Variants in PRR5 observed in about 807,000 individuals in gnomAD.
PRR5 encodes the protein proline rich 5.
In PRR5, 25 loss-of-function variants were observed where a neutral mutation model predicts 30.6. The observed-to-expected ratio is 0.82, with a 90% CI of 0.60 to 1.14. The LOEUF is 1.14. PRR5 is among the 50% of genes most tolerant of loss of function. PRR5 has a pLI of 0.00. For missense variants in PRR5, 600 were observed against 547.1 expected (o/e 1.10, Z -0.96); for synonymous variants, 286 against 247.1 (o/e 1.16, Z -1.48).
intron 1 of PRR5, chr22:44,679,641 G>T (rs140013130): frequency 1.7e-6 from 1 of 599,794 alleles, no homozygotes; most frequent in Non-Finnish European, 2.9e-6. Context: ...CAGGAGGCGC[G>T]GTTGCAGTGA....
intron 1 of PRR5, among the ~76,000 whole-genome samples, chr22:44,696,900 C>A (rs1925806114): frequency 6.6e-6 from 1 of 152,052 alleles, no homozygotes; most frequent in African/African-American, 2.4e-5. Context: ...CCATATCCGG[C>A]TAATTTTTGT....
intron 1 of PRR5, among the ~76,000 whole-genome samples, chr22:44,709,629 G>A (rs1001011378): frequency 2.0e-5 from 3 of 152,148 alleles, no homozygotes; most frequent in Non-Finnish European, 2.9e-5. Context: ...CAGCGCAGGC[G>A]GATCACCAGG....
At chr22:44,712,863 CAT>C (rs1221771156) in intron 1 of PRR5, among the ~76,000 whole-genome samples, 1 of 152,120 alleles carries the variant, frequency 6.6e-6, no homozygotes, top group Non-Finnish European at 1.5e-5. Context: ...AGCGGGCACT[CAT>C]GACCAGGAAA....
intron 2 of PRR5, among the ~76,000 whole-genome samples, chr22:44,721,485 T>C (rs1929925660): frequency 6.6e-6 from 1 of 152,182 alleles, no homozygotes; most frequent in Non-Finnish European, 1.5e-5. Flanking sequence ...CCTATGCAAA[T>C]GAAGACTTGG....
At chr22:44,669,349 C>G (rs1039814706) in intron 1 of PRR5, among the ~76,000 whole-genome samples, 8 of 152,226 alleles carry the variant, frequency 5.3e-5, no homozygotes, top group Admixed American at 2.6e-4. Context: ...GCTCTGGCCT[C>G]TGGCCTGGGC....
intron 1 of PRR5, chr22:44,679,749 G>T (rs951646462): frequency 6.8e-6 from 10 of 1,468,760 alleles, no homozygotes; most frequent in Non-Finnish European, 7.4e-6. Flanking sequence ...CAGCCTCCCC[G>T]CTCTGGGACA....
At chr22:44,684,438 T>A (rs1924565732) in intron 1 of PRR5, among the ~76,000 whole-genome samples, 1 of 152,102 alleles carries the variant, frequency 6.6e-6, no homozygotes, top group South Asian at 2.1e-4. Context: ...TTCCAGCTAC[T>A]CAGGAGGCTG....
At chr22:44,730,634 C>G in intron 4 of PRR5, 1 of 1,027,488 alleles carries the variant, frequency 9.7e-7, no homozygotes, top group Non-Finnish European at 1.2e-6. Flanking sequence ...AGATGTGTCC[C>G]CATACCACTA....
intron 1 of PRR5, among the ~76,000 whole-genome samples, chr22:44,678,960 A>G (rs148524230): frequency 1.4e-4 from 21 of 152,256 alleles, no homozygotes; most frequent in African/African-American, 4.8e-4. Flanking sequence ...GCCTGGGATG[A>G]TGGATGGTCA....
Position 44,703,805 on chromosome 22 carries a change from C to T in PRR5, c.134+1197C>T, listed in dbSNP as rs1400033401. On this transcript the variant is annotated intron_variant, in intron 1 of 7. Coordinates refer to ENST00000336985, the MANE Select transcript of PRR5 (RefSeq NM_181333.4). ...GGCCAAGATGGGAGGATTACTTGAG[C>T]CAGGGAAGTCGAGGCTGCCATGAGC... Among the ~76,000 whole-genome samples, 3 of 152,096 alleles carry T rather than the reference C, an allele frequency of 2.0e-5. No homozygotes were observed. The East Asian group carries it at 5.8e-4, about 29-fold the overall frequency.
rs549901041 is a variant in PRR5 at position 44,717,244 on chromosome 22, T to C, written c.215+2573T>C. Among the ~76,000 whole-genome samples the C allele has an allele frequency of 6.4e-4, 88 of 138,300 alleles. 1 individual carries two copies. Among genetic ancestry groups the C allele is most frequent in the African/African-American group, 2.1e-3 (78 of 36,438 alleles). 90.7% of individuals were successfully genotyped at this position (138,300 alleles called of 152,430 possible). A position where few individuals can be genotyped will look rare whatever the true frequency, so the allele number is the denominator to read the frequency against. ...TTCACTGTTGTTGCCCAGGCTGGAGTGCAGTGGTGCGATCTCAGCTCACTG... is the reference window on the plus strand; with the variant it reads ...TTCACTGTTGTTGCCCAGGCTGGAGCGCAGTGGTGCGATCTCAGCTCACTG... On this transcript the variant is annotated intron_variant, in intron 2 of 7. Transcript: ENST00000336985.
intron 7 of PRR5, among the ~76,000 whole-genome samples, chr22:44,735,810 C>T (rs1404323100): frequency 2.0e-5 from 3 of 152,224 alleles, no homozygotes; most frequent in African/African-American, 7.2e-5. Flanking sequence ...TGGGACTATG[C>T]CCTCCTCATC....
At position 44,737,230 on chromosome 22, in the gene PRR5, C is replaced by G; in HGVS notation, c.1150C>G (p.Arg384Gly). 6.2e-7 allele frequency: 1 copy of G among 1,603,060 alleles called. No homozygotes were observed. Among genetic ancestry groups the G allele is most frequent in the Non-Finnish European group, 8.5e-7 (1 of 1,172,562 alleles). The change falls in exon 8 of 8, where the codon CGG becomes GGG. Residue 384 changes from arginine to glycine, a missense_variant. Coordinates refer to ENST00000336985, the MANE Select transcript of PRR5 (RefSeq NM_181333.4). ...GMSDLEGSGGRQSVV is the reference protein window; with the variant it reads ...GMSDLEGSGGGQSVV ...GTCCGACTTGGAGGGCTCTGGGGGC[C>G]GGCAGAGTGTCGTGTGAGGCCTCAC...
chr22:44,696,754 TGAG>T (rs1925786978), intron 1 of PRR5, among the ~76,000 whole-genome samples: 4 of 152,008 alleles, frequency 2.6e-5, no homozygotes, highest in African/African-American at 9.7e-5. Context: ...TTTATTTATT[TGAG>T]ATGCAGTCCT....
intron 3 of PRR5, 43 bp from the exon 4 acceptor site, chr22:44,726,534 G>T (rs768203143): frequency 1.9e-6 from 3 of 1,613,244 alleles, no homozygotes; most frequent in Non-Finnish European, 2.5e-6. Flanking sequence ...ACACCCCCGG[G>T]CATCCACAAG....
chr22:44,714,913 A>ACC, intron 2 of PRR5, among the ~76,000 whole-genome samples: 1 of 152,210 alleles, frequency 6.6e-6, no homozygotes, highest in African/African-American at 2.4e-5. Flanking sequence ...GTGGCCCTGC[A>ACC]CCCCCACAGC....
At chr22:44,669,038 G>A (rs1923263744) in intron 1 of PRR5, among the ~76,000 whole-genome samples, 1 of 151,516 alleles carries the variant, frequency 6.6e-6, no homozygotes, top group African/African-American at 2.4e-5. Context: ...CCCCTTGGGT[G>A]AAGGTCCAGC....
At chr22:44,711,961 C>G (rs1306016724) in intron 1 of PRR5, among the ~76,000 whole-genome samples, 1 of 152,092 alleles carries the variant, frequency 6.6e-6, no homozygotes, top group African/African-American at 2.4e-5. Context: ...GCAGACTTCC[C>G]TCGGGATTTT....
At chr22:44,701,877 G>C (rs183373091), upstream of PRR5, among the ~76,000 whole-genome samples, 1 of 152,158 alleles carries the variant, frequency 6.6e-6, no homozygotes, top group Non-Finnish European at 1.5e-5. Flanking sequence ...GGAGACCTCC[G>C]GGGCCGGGGT....
Sources: allele counts gnomAD v4.1 joint callset (sites outside exome capture counted in the v4.1 genomes callset), GRCh38; gene constraint gnomAD v4.1.1; transcripts MANE v1.5; gene names NCBI Gene and HGNC (gene_info 2026-07-23, HGNC 2026-07-21).